The following TECTA variants were observed in gnomAD, a reference collection of about 807,000 sequenced individuals.
TECTA encodes the protein tectorin alpha, also known as alpha-tectorin.
Under a neutral mutation model 216.8 loss-of-function variants are expected in TECTA, and 128 were observed. The ratio of observed to expected loss-of-function variants is 0.59; its 90% CI spans 0.51 to 0.68. TECTA has a LOEUF of 0.68. Among genes scored for constraint, TECTA ranks in the 30% least tolerant of loss-of-function variants. The pLI is 0.00. For synonymous variants in TECTA, 1,089 were observed against 1,117.1 expected, an observed-to-expected ratio of 0.97 and a Z score of 0.50; for missense variants, 2,551 against 2,786.2, an observed-to-expected ratio of 0.92 and a Z score of 1.90.
At chr11:121,107,144 TC>T (rs1166350500) in intron 3 of TECTA, among the ~76,000 whole-genome samples, 2 of 152,236 alleles carry the variant, frequency 1.3e-5, no homozygotes, top group Non-Finnish European at 2.9e-5. Flanking sequence ...CGGCAGGGCC[TC>T]CCTAGTCTGT....
intron 13 of TECTA, among the ~76,000 whole-genome samples, chr11:121,156,773 G>A (rs1200589372): frequency 6.6e-6 from 1 of 152,106 alleles, no homozygotes; most frequent in Non-Finnish European, 1.5e-5. Context: ...GGGATTACAG[G>A]CATGAGCCAC....
At chr11:121,161,330 G>A (rs1946995968) in intron 15 of TECTA, among the ~76,000 whole-genome samples, 1 of 152,026 alleles carries the variant, frequency 6.6e-6, no homozygotes, top group Non-Finnish European at 1.5e-5. Flanking sequence ...GCAAAGCCAG[G>A]ACTAGATTCT....
intron 14 of TECTA, among the ~76,000 whole-genome samples, chr11:121,158,929 A>G (rs1946971637): frequency 6.6e-6 from 1 of 152,210 alleles, no homozygotes; most frequent in Non-Finnish European, 1.5e-5. Context: ...GCATCTGCTC[A>G]GATGCACTGT....
chr11:121,158,001 C>A lies in TECTA; in HGVS notation c.4466C>A (p.Ala1489Glu), dbSNP rs750624878. Reference protein sequence around the residue: ...CFSTKTSYCLAAGGGVFRTFD... With the variant: ...CFSTKTSYCLEAGGGVFRTFD... ...AGCACCAAGACCTCCTACTGCCTGG[C>A]GGCCGGCGGCGGCGTCTTCCGCACC... The change falls in exon 14 of 24, where the codon GCG (alanine) becomes GAG (glutamate). Residue 1489 changes from alanine to glutamate, a missense_variant. Transcript: ENST00000392793. The A allele has an allele frequency of 6.6e-5, 107 of 1,612,692 alleles. No individual in the cohort carries two copies. Among genetic ancestry groups the A allele is most frequent in the Non-Finnish European group, 8.5e-7 (1 of 1,179,910 alleles).
At chr11:121,170,442 G>GGTTTT (rs1947100096) in intron 20 of TECTA, among the ~76,000 whole-genome samples, 1 of 145,406 alleles carries the variant, frequency 6.9e-6, no homozygotes, top group Admixed American at 6.7e-5. Context: ...TGTTTTGTTT[G>GGTTTT]GTTTTGTTTT....
At chr11:121,158,991 G>A (rs566197474) in intron 14 of TECTA, among the ~76,000 whole-genome samples, 9 of 152,296 alleles carry the variant, frequency 5.9e-5, no homozygotes, top group African/African-American at 1.9e-4. Context: ...CAGGTCACTC[G>A]GAAGGATGGA....
rs73599462 is a variant in TECTA, at chr11:121,104,666, A to G, written c.65-1165A>G. ...CACCAAAAGCCTCCCAAAGGAGCAA[A>G]GACAGTCCTTGGCCGGTTGCTCCCC... is the stretch of plus-strand genomic sequence containing the variant. On this transcript the variant is annotated intron_variant, in intron 2 of 23. Transcript: ENST00000392793. Among the ~76,000 whole-genome samples the G allele has an allele frequency of 6.0e-3, 914 of 152,170 alleles. 11 individuals carry two copies. Among genetic ancestry groups the G allele is most frequent in the African/African-American group, 0.021 (860 of 41,502 alleles).
At chr11:121,138,150 A>G in intron 11 of TECTA, 128 bp downstream of exon 11, 2 of 1,299,370 alleles carry the variant, frequency 1.5e-6, no homozygotes, top group Non-Finnish European at 2.1e-6. Context: ...TAAAGCAGAG[A>G]GAGGCCCTAG....
rs185664572 is a variant in TECTA, at chr11:121,103,755, C to T, written c.64+1026C>T. On this transcript the variant is annotated intron_variant, in intron 2 of 23. Transcript: ENST00000392793. ...TAATGGCTTCTGCAGTGTTAATTAC[C>T]GTAGTTTAAACCTACGCCCTTGTGT... Among the ~76,000 whole-genome samples the T allele has an allele frequency of 4.3e-4, 65 of 151,986 alleles. No individual in the cohort carries two copies. In the South Asian group the frequency reaches 5.8e-3, roughly 14 times the overall value.
Position 121,162,274 on chromosome 11 carries a change from A to T in TECTA, c.5176A>T (p.Lys1726Ter). ...SCYLDGCYSH[K>*]KFQLCGSLAA... ...CTACCTGGACGGCTGCTACAGCCAC[A>T]AGAAGTTCCAGCTGTGCGGCTCCCT... The change falls in exon 16 of 24, where the codon AAG becomes TAG. Residue 1726 changes from lysine to a stop codon, truncating the protein, a stop_gained. Transcript: ENST00000392793. LOFTEE classifies it high-confidence loss of function. 1 of 1,613,908 alleles carries T rather than the reference A, an allele frequency of 6.2e-7. No individual in the cohort carries two copies. Among genetic ancestry groups the T allele is most frequent in the African/African-American group, 1.3e-5 (1 of 75,066 alleles).
rs1947083439 is a variant in TECTA, at chr11:121,168,885, G to A, written c.5959G>A (p.Asp1987Asn). The change falls in exon 20 of 24, where the codon GAT (aspartate) becomes AAT (asparagine). Residue 1987 changes from aspartate to asparagine, a missense_variant. Transcript: ENST00000392793. ...LNKCYATPTR[D>N]SNDKLRYFII... ...CAAATGCTATGCCACACCCACCCGA[G>A]ATAGCAATGATAAGCTCCGATATTT... The A allele has an allele frequency of 3.1e-6, 5 of 1,613,984 alleles. No individual in the cohort carries two copies. Among genetic ancestry groups the A allele is most frequent in the Non-Finnish European group, 4.2e-6 (5 of 1,180,020 alleles).
intron 20 of TECTA, among the ~76,000 whole-genome samples, chr11:121,187,116 G>C (rs749950469): frequency 1.3e-5 from 2 of 152,244 alleles, no homozygotes; most frequent in Non-Finnish European, 2.9e-5. Context: ...GAAAGGGCAG[G>C]AGTGATGCAT....
intron 7 of TECTA, 115 bp from the exon 8 acceptor site, chr11:121,125,187 A>T (rs2135077002): frequency 9.3e-7 from 1 of 1,072,964 alleles, no homozygotes; most frequent in Non-Finnish European, 1.4e-6. Flanking sequence ...TGGACCGTTT[A>T]GGTGGCCATT....
At chr11:121,167,123 C>T (rs1046033502) in intron 18 of TECTA, among the ~76,000 whole-genome samples, 2 of 152,168 alleles carry the variant, frequency 1.3e-5, no homozygotes, top group Non-Finnish European at 2.9e-5. Context: ...AAGGGAGTCC[C>T]GAACCTCATT....
Position 121,167,479 on chromosome 11 carries a change from G to A in TECTA, c.5587-575G>A, listed in dbSNP as rs763681. On this transcript the variant is annotated intron_variant, in intron 18 of 23. Transcript: ENST00000392793. ...AAAAACAGCTGGCTTCAGAAATATA[G>A]TGAGGTCCCAACTTTTAATGTCAGA... Among the ~76,000 whole-genome samples the A allele has an allele frequency of 9.9e-3, 1,513 of 152,292 alleles. 22 individuals carry two copies. The highest frequency in any genetic ancestry group is 0.035 in the African/African-American group (1,442 of 41,550).
At position 121,113,520 on chromosome 11, in the gene TECTA, A is replaced by G. The variant is rs1203576027; in HGVS notation, c.625-33A>G. On this transcript the variant is annotated intron_variant, in intron 5 of 23. Transcript: ENST00000392793. The surrounding 1 kb of genome is among the most constrained non-coding windows in gnomAD (Gnocchi z 4.2). ...CAGTTAACCCATGGGGAATTTTTGTACTCAAAAATCTTGTCTTCCTTTTGT... is the reference window on the plus strand; with the variant it reads ...CAGTTAACCCATGGGGAATTTTTGTGCTCAAAAATCTTGTCTTCCTTTTGT... 1 of 1,613,528 alleles carries G rather than the reference A, an allele frequency of 6.2e-7. No homozygotes were observed.
Position 121,119,010 on chromosome 11 carries a change from C to CACACAT in TECTA, c.1203+297_1203+298insTACACA, listed in dbSNP as rs1555122869. On this transcript the variant is annotated intron_variant, in intron 7 of 23. Transcript: ENST00000392793. The stretch of plus-strand genomic sequence containing the variant: ...ACTGATAGGCACACACACACACACA[C>CACACAT]ACACACACACACACACACACACACA... Among the ~76,000 whole-genome samples, 23,378 of 93,224 alleles carry CACACAT rather than the reference C, an allele frequency of 0.25. 2,136 individuals are homozygous for CACACAT. Among genetic ancestry groups the CACACAT allele is most frequent in the Non-Finnish European group, 0.29 (13,480 of 47,270 alleles). The allele number at this position is 93,224 out of a possible 152,430, so 61.2% of individuals were successfully genotyped here. A position where few individuals can be genotyped will look rare whatever the true frequency, so the allele number is the denominator to read the frequency against.
intron 7 of TECTA, among the ~76,000 whole-genome samples, chr11:121,121,112 A>G (rs1450254301): frequency 6.6e-6 from 1 of 152,208 alleles, no homozygotes; most frequent in African/African-American, 2.4e-5. Context: ...ACCAGCCCCC[A>G]TCCTCAATTT....
chr11:121,104,781 A>G (rs1384008136), intron 2 of TECTA, among the ~76,000 whole-genome samples: 1 of 152,136 alleles, frequency 6.6e-6, no homozygotes, highest in African/African-American at 2.4e-5. Flanking sequence ...CATAGCAGCA[A>G]GCAGGTACCT....
Sources: gnomAD v4.1 joint callset for allele counts (sites outside exome capture counted in the v4.1 genomes callset) on GRCh38, gnomAD v4.1.1 for gene constraint, Gnocchi (gnomAD v3.1) non-coding constraint, MANE v1.5 for transcripts, NCBI Gene and HGNC (gene_info 2026-07-23, HGNC 2026-07-21) for gene names.